Variants in TTLL3 observed in about 807,000 individuals in gnomAD.
TTLL3 encodes the protein tubulin tyrosine ligase like 3, also known as tubulin monoglycylase TTLL3.
In TTLL3, 63 loss-of-function variants were observed where a neutral mutation model predicts 75.2. The observed-to-expected ratio is 0.84, with a 90% CI of 0.68 to 1.03. The LOEUF is 1.03. TTLL3 is among the 50% of genes least tolerant of loss of function. The probability of loss-of-function intolerance (pLI) is 0.00; values close to 1 mark genes in which losing one functional copy is unlikely to be tolerated. For synonymous variants in TTLL3, 393 were observed against 418.5 expected (o/e 0.94, Z 0.74); for missense variants, 997 against 1,069.9 (o/e 0.93, Z 0.95).
chr3:9,833,378 C>A, intron 12 of TTLL3, 133 bp downstream of exon 12: 1 of 1,388,490 alleles, frequency 7.2e-7, no homozygotes, highest in South Asian at 1.3e-5. Context: ...AAAGGCAAGG[C>A]GAAAAGGGCC....
chr3:9,819,697 A>C (rs2080234939), intron 7 of TTLL3: 2 of 985,506 alleles, frequency 2.0e-6, no homozygotes, highest in Non-Finnish European at 1.2e-6. Context: ...CTAGTCCTGT[A>C]ATCCAGGGAC....
At chr3:9,827,407 T>G in intron 10 of TTLL3, 167 bp downstream of exon 10, 1 of 1,307,474 alleles carries the variant, frequency 7.6e-7, no homozygotes, top group South Asian at 1.5e-5. Flanking sequence ...CCAACAGATT[T>G]TTTTTTAACA....
intron 8 of TTLL3, chr3:9,825,386 CT>C (rs2080934879): frequency 9.0e-6 from 2 of 223,044 alleles, no homozygotes; most frequent in Non-Finnish European, 1.8e-5. Context: ...ACTAGTAATA[CT>C]TCCCTGGCAG....
intron 11 of TTLL3, among the ~76,000 whole-genome samples, chr3:9,831,740 A>G (rs11712124): frequency 0.64 from 96,419 of 151,306 alleles, 31,756 homozygotes; most frequent in Non-Finnish European, 0.71. Context: ...GTAAAGATGA[A>G]CTTTCCCTCA....
chr3:9,811,220 C>A (rs1056949231), intron 2 of TTLL3, among the ~76,000 whole-genome samples: 1 of 152,188 alleles, frequency 6.6e-6, no homozygotes, highest in Non-Finnish European at 1.5e-5. Flanking sequence ...GTGCCCCTTC[C>A]AGCCCAGCCT....
chr3:9,824,775 C>T (rs2080867406), intron 8 of TTLL3, among the ~76,000 whole-genome samples: 2 of 116,848 alleles, frequency 1.7e-5, no homozygotes, highest in South Asian at 5.6e-4. Flanking sequence ...GAATCTTGCT[C>T]TGTCGCCCAG....
At position 9,836,083 on chromosome 3, in the gene TTLL3, G is replaced by A. The variant is rs1255035679; in HGVS notation, c.*594G>A. 1 of 150,686 alleles carries A rather than the reference G, an allele frequency of 6.6e-6. No homozygotes were observed. The highest frequency in any genetic ancestry group is 1.5e-5 in the Non-Finnish European group (1 of 67,610). 9.3% of individuals were successfully genotyped at this position (150,686 alleles called of 1,614,324 possible). Reference sequence around the variant, plus strand: ...CCAGCACTTTGAGAGGCCAAGGCAGGAGATCGCTTGAGCCCGCAAGTTCAA... The same window carrying A: ...CCAGCACTTTGAGAGGCCAAGGCAGAAGATCGCTTGAGCCCGCAAGTTCAA... On this transcript the variant is annotated 3_prime_UTR_variant, in exon 14 of 14. Coordinates refer to ENST00000685419, the MANE Select transcript of TTLL3 (RefSeq NM_001387446.1).
chr3:9,813,281 C>G lies in TTLL3; in HGVS notation c.251C>G (p.Ser84Ter). The G allele has an allele frequency of 6.2e-7, 1 of 1,614,236 alleles. No homozygotes were observed. Among genetic ancestry groups the G allele is most frequent in the South Asian group, 1.1e-5 (1 of 91,086 alleles). Residue 84 changes from serine (S) to a stop codon, truncating the protein, a stop_gained, in exon 4 of 14, where the codon TCA becomes TGA. Coordinates refer to ENST00000685419, the MANE Select transcript of TTLL3 (RefSeq NM_001387446.1). LOFTEE classifies it high-confidence loss of function. ...DEDEDEEFQPSQLFDFDDLLK... is the reference protein window; with the variant it reads ...DEDEDEEFQP ...GATGAGGACGAGGAGTTCCAGCCAT[C>G]ACAGCTGTTCGACTTCGATGATTTA... is the stretch of plus-strand genomic sequence containing the variant.
Position 9,810,266 on chromosome 3 carries a change from C to G in TTLL3, c.-170C>G, listed in dbSNP as rs542352335. 63 of 1,507,794 alleles carry G rather than the reference C, an allele frequency of 4.2e-5. No homozygotes were observed. Among genetic ancestry groups the G allele is most frequent in the Non-Finnish European group, 5.5e-5 (63 of 1,136,980 alleles). 93.4% of individuals were successfully genotyped at this position (1,507,794 alleles called of 1,614,324 possible). On this transcript the variant is annotated 5_prime_UTR_variant, in exon 1 of 14. Coordinates refer to ENST00000685419, the MANE Select transcript of TTLL3 (RefSeq NM_001387446.1). The surrounding 1 kb of genome is among the most constrained non-coding windows in gnomAD (Gnocchi z 4.4). Reference sequence around the variant, plus strand: ...GGCGGCAGATGCCAGGCGGGCAGCCCCGCCCCTGCGCGCCGCCTCAGCGGC... The same window carrying G: ...GGCGGCAGATGCCAGGCGGGCAGCCGCGCCCCTGCGCGCCGCCTCAGCGGC...
chr3:9,813,373 C>T (rs765134564), intron 4 of TTLL3, 28 bp downstream of exon 4: 7 of 1,612,466 alleles, frequency 4.3e-6, no homozygotes, highest in Non-Finnish European at 5.9e-6. Context: ...CAAGATGATA[C>T]AGGGACTGCC....
intron 11 of TTLL3, among the ~76,000 whole-genome samples, chr3:9,832,443 C>T (rs1472481107): frequency 1.3e-5 from 2 of 152,138 alleles, no homozygotes; most frequent in African/African-American, 4.8e-5. Context: ...AGATTCTGAT[C>T]AGGATCCTTC....
rs940221075 is a variant in TTLL3, at chr3:9,817,741, G to A, written c.541G>A (p.Asp181Asn). The change falls in exon 6 of 14, where the codon GAC becomes AAC. Residue 181 changes from aspartate (D) to asparagine (N), a missense_variant. Coordinates refer to ENST00000685419, the MANE Select transcript of TTLL3 (RefSeq NM_001387446.1). ...PRCYCLGAED[D>N]KKAFIEDFWL... ...CTGCTACTGCCTGGGGGCTGAGGAT[G>A]ACAAAAAAGCCTTCATAGGTAAGGA... The A allele has an allele frequency of 2.5e-6, 4 of 1,613,942 alleles. No individual in the cohort carries two copies. The highest frequency in any genetic ancestry group is 1.3e-5 in the African/African-American group (1 of 74,892).
chr3:9,819,876 A>T (rs1249689831), intron 7 of TTLL3: 1 of 985,228 alleles, frequency 1.0e-6, no homozygotes, highest in East Asian at 1.1e-4. Context: ...GTGGCCAGAG[A>T]CCCCATGCTT....
At position 9,818,870 on chromosome 3, in the gene TTLL3, A is replaced by G. The variant is rs984948688; in HGVS notation, c.608A>G (p.Lys203Arg). Residue 203 changes from lysine to arginine, a missense_variant, in exon 7 of 14, where the codon AAG (lysine) becomes AGG (arginine). Lys to Arg is a conservative substitution (Grantham distance 26). Coordinates refer to ENST00000685419, the MANE Select transcript of TTLL3 (RefSeq NM_001387446.1). Reference sequence around the variant, plus strand: ...CGCAACGTTCTCAAGCTGGTGGTGAAGTCTGAGTGGAAGTCATACCCTATT... The same window carrying G: ...CGCAACGTTCTCAAGCTGGTGGTGAGGTCTGAGTGGAAGTCATACCCTATT... ...AARNVLKLVV[K>R]SEWKSYPIQA... The G allele has an allele frequency of 1.2e-6, 2 of 1,614,062 alleles. No homozygotes were observed. Among genetic ancestry groups the G allele is most frequent in the African/African-American group, 1.3e-5 (1 of 74,918 alleles).
At chr3:9,810,045 G>C (rs2079197186), upstream of TTLL3, 1 of 1,281,842 alleles carries the variant, frequency 7.8e-7, no homozygotes, top group South Asian at 2.0e-5. The surrounding 1 kb of genome is among the most constrained non-coding windows in gnomAD (Gnocchi z 4.4). Flanking sequence ...TGAGCGCGAG[G>C]GAGCTGGGGC....
At chr3:9,812,089 T>C (rs1449057929) in intron 2 of TTLL3, among the ~76,000 whole-genome samples, 1 of 152,212 alleles carries the variant, frequency 6.6e-6, no homozygotes, top group African/African-American at 2.4e-5. Flanking sequence ...ATGCATAGTA[T>C]TGGCCAGACG....
At position 9,810,555 on chromosome 3, in the gene TTLL3, G is replaced by T; in HGVS notation, c.-41-66G>T. ...GGCGTGGCTATGGGCGGCCAGAAAA[G>T]ATCCTAGGCCGAGACCCTAGGCCCA... On this transcript the variant is annotated intron_variant, in intron 1 of 13. Transcript: ENST00000685419. This position sits in a 1 kb window ranked among gnomAD's most constrained non-coding sequence, Gnocchi z 4.4. The T allele has an allele frequency of 9.3e-6, 14 of 1,501,392 alleles. No homozygotes were observed. The highest frequency in any genetic ancestry group is 1.2e-5 in the Non-Finnish European group (14 of 1,122,972). The allele number at this position is 1,501,392 out of a possible 1,614,324, so 93.0% of individuals were successfully genotyped here.
chr3:9,835,629 CTG>C lies in TTLL3; in HGVS notation c.*141_*142del. 1.2e-6 allele frequency: 1 copy of C among 854,424 alleles called. No homozygotes were observed. Among genetic ancestry groups the C allele is most frequent in the South Asian group, 2.0e-5 (1 of 51,052 alleles). 52.9% of individuals were successfully genotyped at this position (854,424 alleles called of 1,614,324 possible). ...AGCCTTCACTTTACAGATGAAGAAA[CTG>C]AGTCTGAAAGAGGAGGCATGGCTTA... On this transcript the variant is annotated 3_prime_UTR_variant, in exon 14 of 14. Transcript: ENST00000685419.
intron 5 of TTLL3, 50 bp downstream of exon 5, chr3:9,816,252 G>A: frequency 7.6e-7 from 1 of 1,316,402 alleles, no homozygotes; most frequent in Non-Finnish European, 1.0e-6. Context: ...CCCTGCCCTT[G>A]GGCTGGCAGC....
Sources: allele counts gnomAD v4.1 joint callset (sites outside exome capture counted in the v4.1 genomes callset), GRCh38; gene constraint gnomAD v4.1.1; non-coding constraint Gnocchi (gnomAD v3.1); transcripts MANE v1.5; gene names NCBI Gene and HGNC (gene_info 2026-07-23, HGNC 2026-07-21).